Variants in SLITRK2 observed in about 807,000 individuals in gnomAD.
SLITRK2 encodes the protein SLIT and NTRK like family member 2, also known as SLIT and NTRK-like protein 2.
Under a neutral mutation model 35.4 loss-of-function variants are expected in SLITRK2, and 13 were observed. The ratio of observed to expected loss-of-function variants is 0.37; its 90% confidence interval spans 0.24 to 0.58. The LOEUF (loss-of-function observed/expected upper bound fraction) is 0.58. SLITRK2 is among the 20% of genes least tolerant of loss of function. The pLI, the probability that SLITRK2 is intolerant of heterozygous loss-of-function variation, is 0.75. For missense variants in SLITRK2, 471 were observed against 634.3 expected (o/e 0.74, Z 2.76); for synonymous variants, 294 against 264.7 (o/e 1.11, Z -1.07).
At position 145,824,566 on chromosome X, in the gene SLITRK2, A is replaced by G. The variant is rs1556945012; in HGVS notation, c.2141A>G (p.Asn714Ser). Residue 714 changes from asparagine (N) to serine (S), a missense_variant, in exon 5 of 5, where the codon AAC (asparagine) becomes AGC (serine). Transcript: ENST00000335565. ...GGAGACCCAGTAGCCTATTACCGAAACCTGCAAGAGTTCAGCTATAGCAAC... is the reference window on the plus strand; with the variant it reads ...GGAGACCCAGTAGCCTATTACCGAAGCCTGCAAGAGTTCAGCTATAGCAAC... ...KEGDPVAYYR[N>S]LQEFSYSNLE... 2 of 1,210,347 alleles carry G rather than the reference A, an allele frequency of 1.7e-6. No homozygotes were observed. Among genetic ancestry groups the G allele is most frequent in the Admixed American group, 4.4e-5 (2 of 45,807 alleles).
In SLITRK2 at chrX:145,823,458, G is replaced by A. The variant is rs782042454; in HGVS notation, c.1033G>A (p.Val345Ile). Reference sequence around the variant, plus strand: ...GCCTCTCACCTGTCCCAGCAGCTGTGTCTGCACCTCTCAGAGCTCAGACAA... The same window carrying A: ...GCCTCTCACCTGTCCCAGCAGCTGTATCTGCACCTCTCAGAGCTCAGACAA... ...PVPLTCPSSC[V>I]CTSQSSDNGL... Residue 345 changes from valine to isoleucine, a missense_variant, in exon 5 of 5, where the codon GTC becomes ATC. Around this residue, in one of 7 missense-constraint regions of SLITRK2, gnomAD observed 92 missense variants for 184.2 expected, o/e 0.50. Transcript: ENST00000335565. The A allele has an allele frequency of 8.3e-7, 1 of 1,211,656 alleles. No individual in the cohort carries two copies. The highest frequency in any genetic ancestry group is 1.1e-6 in the Non-Finnish European group (1 of 895,257).
rs2124173344 is a variant in SLITRK2, at chrX:145,823,388, G to A, written c.963G>A (p.Arg321=). The A allele has an allele frequency of 6.6e-6, 8 of 1,211,755 alleles. No homozygotes were observed. The highest frequency in any genetic ancestry group is 8.9e-6 in the Non-Finnish European group (8 of 895,442). ...PTPRVTVSKD[R]QSFGPIMVYQ... is the part of the protein sequence containing the mutation. ...CTCGAGTGACTGTGTCAAAGGACAG[G>A]CAAAGTTTTGGACCCATCATGGTGT... The change falls in exon 5 of 5, where the codon AGG becomes AGA. Residue 321 remains arginine, a synonymous_variant. Transcript: ENST00000335565.
rs1362605303 is a variant in SLITRK2 at position 145,828,026 on chromosome X, C to T, written c.*3063C>T. The T allele has an allele frequency of 1.8e-6, 2 of 1,138,596 alleles. No homozygotes were observed. Among genetic ancestry groups the T allele is most frequent in the African/African-American group, 3.7e-5 (2 of 54,529 alleles). The allele number at this position is 1,138,596 out of a possible 1,213,427, so 93.8% of individuals were successfully genotyped here. ...GCCCTACAAATGACAAATGGTAATTCCCTTCTATTTTAGCTCTTAATTAGT... is the reference window on the plus strand; with the variant it reads ...GCCCTACAAATGACAAATGGTAATTTCCTTCTATTTTAGCTCTTAATTAGT... On this transcript the variant is annotated 3_prime_UTR_variant, in exon 5 of 5. Coordinates refer to ENST00000335565, the MANE Select transcript of SLITRK2 (RefSeq NM_032539.5).
chrX:145,822,550 T>C lies in SLITRK2; in HGVS notation c.125T>C (p.Leu42Pro). Reference protein sequence around the residue: ...RCLCEEKENVLNINCENKGFT... With the variant: ...RCLCEEKENVPNINCENKGFT... ...CTGTGCGAAGAAAAGGAAAACGTAC[T>C]GAATATCAACTGTGAGAACAAAGGA... Residue 42 changes from leucine (L) to proline (P), a missense_variant, in exon 5 of 5, where the codon CTG becomes CCG. By Grantham distance (98) the Leu-to-Pro change is moderately conservative. This residue lies in a region of SLITRK2 where 98 missense variants were observed against 120.6 expected (regional missense o/e 0.81). Transcript: ENST00000335565. 3.3e-6 allele frequency: 4 copies of C among 1,211,817 alleles called. No homozygotes were observed. Among genetic ancestry groups the C allele is most frequent in the Non-Finnish European group, 4.5e-6 (4 of 895,534 alleles).
At chrX:145,819,913 A>G (rs1274383213) in intron 1 of SLITRK2, 3 of 112,261 alleles carry the variant, frequency 2.7e-5, no homozygotes, top group African/African-American at 9.7e-5. Context: ...AAAGCTCAAG[A>G]AAATAATGCA....
In SLITRK2 at chrX:145,823,131, G is replaced by A. The variant is rs1556944103; in HGVS notation, c.706G>A (p.Val236Ile). The change falls in exon 5 of 5, where the codon GTT becomes ATT. Residue 236 changes from valine to isoleucine, a missense_variant. Around this residue, in one of 7 missense-constraint regions of SLITRK2, gnomAD observed 17 missense variants for 17.4 expected, o/e 0.98. Coordinates refer to ENST00000335565, the MANE Select transcript of SLITRK2 (RefSeq NM_032539.5). Reference sequence around the variant, plus strand: ...CAAGGCCTGGCTAGACACCATAACTGTTTTTGTGGGAGAGATTGTCTGTGA... The same window carrying A: ...CAAGGCCTGGCTAGACACCATAACTATTTTTGTGGGAGAGATTGTCTGTGA... ...PLKAWLDTIT[V>I]FVGEIVCETP... 4 of 1,211,455 alleles carry A rather than the reference G, an allele frequency of 3.3e-6. No homozygotes were observed. Among genetic ancestry groups the A allele is most frequent in the Non-Finnish European group, 4.5e-6 (4 of 895,494 alleles).
Position 145,823,949 on chromosome X carries a change from C to T in SLITRK2, c.1524C>T (p.His508=), listed in dbSNP as rs2124188268. 8.3e-7 allele frequency: 1 copy of T among 1,211,412 alleles called. No individual in the cohort carries two copies. The highest frequency in any genetic ancestry group is 1.1e-6 in the Non-Finnish European group (1 of 895,398). ...ATCTGAGAAACAACCATTTTTCTCACCTGCCCGTGAAAGGGGTTCTGGATC... is the reference window on the plus strand; with the variant it reads ...ATCTGAGAAACAACCATTTTTCTCATCTGCCCGTGAAAGGGGTTCTGGATC... ...RLNLRNNHFS[H]LPVKGVLDQL... Residue 508 remains histidine (H), a synonymous_variant, in exon 5 of 5, where the codon CAC becomes CAT. Coordinates refer to ENST00000335565, the MANE Select transcript of SLITRK2 (RefSeq NM_032539.5).
At chrX:145,820,802 G>A (rs781851196) in intron 2 of SLITRK2, 1 of 111,150 alleles carries the variant, frequency 9.0e-6, no homozygotes, top group South Asian at 3.8e-4. Context: ...GGGAGAAAAG[G>A]GGTTTGTTTT....
Position 145,824,640 on chromosome X carries a change from G to A in SLITRK2, c.2215G>A (p.Ala739Thr). 8.3e-7 allele frequency: 1 copy of A among 1,211,277 alleles called. No homozygotes were observed. Among genetic ancestry groups the A allele is most frequent in the African/African-American group, 1.7e-5 (1 of 57,644 alleles). The change falls in exon 5 of 5, where the codon GCC (alanine) becomes ACC (threonine). Residue 739 changes from alanine to threonine, a missense_variant. Ala to Thr is a moderately conservative substitution (Grantham distance 58, BLOSUM62 0). This residue lies in a region of SLITRK2 where 190 missense variants were observed against 199.3 expected (regional missense o/e 0.95). Coordinates refer to ENST00000335565, the MANE Select transcript of SLITRK2 (RefSeq NM_032539.5). ...EPATPAYTIS[A>T]TELLEKQATP... ...AGCCACACCTGCTTACACAATAAGT[G>A]CCACTGAGCTGCTAGAAAAGCAGGC...
At chrX:145,821,975 C>G (rs1239074712) in intron 3 of SLITRK2, 30 bp from the exon 4 acceptor site, 1 of 113,160 alleles carries the variant, frequency 8.8e-6, no homozygotes, top group Non-Finnish European at 1.7e-5. Flanking sequence ...TTCCCACCCC[C>G]TTTTTGCGCT....
Position 145,817,856 on chromosome X carries a change from T to A in SLITRK2, c.-963T>A, listed in dbSNP as rs2072911176. ...CCTTCCTGCAAGAAGCGTTGCCCGT[T>A]GGCTAGCTGCTCGGTGGGGATCTGC... On this transcript the variant is annotated 5_prime_UTR_variant, in exon 1 of 5. Coordinates refer to ENST00000335565, the MANE Select transcript of SLITRK2 (RefSeq NM_032539.5). 9.4e-6 allele frequency: 1 copy of A among 106,282 alleles called. No individual in the cohort carries two copies. The highest frequency in any genetic ancestry group is 3.5e-5 in the African/African-American group (1 of 28,973). 8.8% of individuals were successfully genotyped at this position (106,282 alleles called of 1,213,427 possible).
rs2124178225 is a variant in SLITRK2, at chrX:145,823,565, C to A, written c.1140C>A (p.Leu380=). The change falls in exon 5 of 5, where the codon CTC becomes CTA. Residue 380 remains leucine (L), a synonymous_variant. Transcript: ENST00000335565. ...LQPKPTSPKK[L]YLTGNYLQTV... is the part of the protein sequence containing the mutation. ...CCAAACCGACCAGTCCAAAGAAACT[C>A]TACCTAACAGGGAACTATCTTCAAA... 8.3e-7 allele frequency: 1 copy of A among 1,211,463 alleles called. No individual in the cohort carries two copies. The highest frequency in any genetic ancestry group is 1.1e-6 in the Non-Finnish European group (1 of 895,054).
chrX:145,822,352 C>T (rs1015141109), intron 4 of SLITRK2, 31 bp from the exon 5 acceptor site: 2 of 924,448 alleles, frequency 2.2e-6, no homozygotes, highest in Admixed American at 6.0e-5. Context: ...TTCTTCCCTG[C>T]ACCCGCTTCT....
rs782795493 is a variant in SLITRK2 at position 145,824,376 on chromosome X, C to A, written c.1951C>A (p.Pro651Thr). ...VFVLKRRKGVPSVPRNTNNLD... is the reference protein window; with the variant it reads ...VFVLKRRKGVTSVPRNTNNLD... ...TGTCTTGAAACGCCGAAAGGGAGTG[C>A]CGAGCGTTCCCAGGAATACCAACAA... Residue 651 changes from proline to threonine, a missense_variant, in exon 5 of 5, where the codon CCG becomes ACG. By Grantham distance (38) the Pro-to-Thr change is conservative. Coordinates refer to ENST00000335565, the MANE Select transcript of SLITRK2 (RefSeq NM_032539.5). The A allele has an allele frequency of 9.9e-6, 12 of 1,210,815 alleles. No homozygotes were observed. Among genetic ancestry groups the A allele is most frequent in the Non-Finnish European group, 1.1e-5 (10 of 895,237 alleles).
rs2124208265 is a variant in SLITRK2, at chrX:145,824,642, C to T, written c.2217C>T (p.Ala739=). The change falls in exon 5 of 5, where the codon GCC becomes GCT. Residue 739 remains alanine (A), a synonymous_variant. Coordinates refer to ENST00000335565, the MANE Select transcript of SLITRK2 (RefSeq NM_032539.5). ...CCACACCTGCTTACACAATAAGTGC[C>T]ACTGAGCTGCTAGAAAAGCAGGCCA... ...EPATPAYTIS[A]TELLEKQATP... is the part of the protein sequence containing the mutation. The T allele has an allele frequency of 2.5e-6, 3 of 1,211,262 alleles. No individual in the cohort carries two copies. Among genetic ancestry groups the T allele is most frequent in the Non-Finnish European group, 3.4e-6 (3 of 895,430 alleles).
chrX:145,828,003 C>A lies in SLITRK2; in HGVS notation c.*3040C>A. 1.7e-6 allele frequency: 2 copies of A among 1,161,474 alleles called. No homozygotes were observed. Among genetic ancestry groups the A allele is most frequent in the Non-Finnish European group, 2.3e-6 (2 of 872,914 alleles). On this transcript the variant is annotated 3_prime_UTR_variant, in exon 5 of 5. Coordinates refer to ENST00000335565, the MANE Select transcript of SLITRK2 (RefSeq NM_032539.5). The stretch of plus-strand genomic sequence containing the variant: ...CCAAGAACATATCTGTATGTCTGGC[C>A]CTACAAATGACAAATGGTAATTCCC...
At chrX:145,818,497 C>T (rs2072928959) in intron 1 of SLITRK2, 1 of 113,105 alleles carries the variant, frequency 8.8e-6, no homozygotes, top group Admixed American at 9.2e-5. Context: ...CACCTGGTCT[C>T]CCGGAAGCGC....
rs184731953 is a variant in SLITRK2, at chrX:145,829,682, C to T, written c.*4719C>T. The stretch of plus-strand genomic sequence containing the variant: ...ATAATAAATTATGTTATTATGTAAA[C>T]GAATTGCATGCATGTTGAAATTTTT... On this transcript the variant is annotated 3_prime_UTR_variant, in exon 5 of 5. Transcript: ENST00000335565. The T allele has an allele frequency of 2.4e-5, 3 of 123,431 alleles. No individual in the cohort carries two copies. Among genetic ancestry groups the T allele is most frequent in the East Asian group, 2.8e-4 (1 of 3,599 alleles). 10.2% of individuals were successfully genotyped at this position (123,431 alleles called of 1,213,427 possible).
At position 145,824,488 on chromosome X, in the gene SLITRK2, TC is replaced by T; in HGVS notation, c.2069del (p.Pro690HisfsTer20). The T allele has an allele frequency of 8.3e-7, 1 of 1,210,522 alleles. No individual in the cohort carries two copies. Among genetic ancestry groups the T allele is most frequent in the Non-Finnish European group, 1.1e-6 (1 of 895,212 alleles). The stretch of plus-strand genomic sequence containing the variant: ...ACAGACGGCCATGTCTACAACTATA[TC>T]CCCCCACCTGTGGGTCAGATGTGCC... ...DKTDGHVYNY[I>X]PPPVGQMCQN... On this transcript the variant is annotated frameshift_variant, in exon 5 of 5. Coordinates refer to ENST00000335565, the MANE Select transcript of SLITRK2 (RefSeq NM_032539.5). LOFTEE classifies it high-confidence loss of function.
Sources: allele counts gnomAD v4.1 joint callset, GRCh38; gene constraint gnomAD v4.1.1; regional missense constraint gnomAD v4.1.1; transcripts MANE v1.5; gene names NCBI Gene and HGNC (gene_info 2026-07-23, HGNC 2026-07-21).